MALRD1: variants seen among roughly 807,000 people sequenced by gnomAD.
MALRD1 encodes the protein MAM and LDL receptor class A domain containing 1.
MALRD1 carries 247 observed loss-of-function variants against 242.1 expected under a neutral mutation model. That is an observed-to-expected ratio of 1.02 (90% CI 0.92 to 1.13). MALRD1 has a LOEUF of 1.13. MALRD1 is among the 50% of genes most tolerant of loss of function. MALRD1 has a pLI of 0.00. For synonymous variants in MALRD1, 995 were observed against 866.6 expected (o/e 1.15, Z -2.60); for missense variants, 2,989 against 2,533.1 (o/e 1.18, Z -3.86).
At chr10:19,621,352 A>AAAC (rs1491462325) in intron 36 of MALRD1, among the ~76,000 whole-genome samples, 4 of 1,224 alleles carry the variant, frequency 3.3e-3, no homozygotes, top group Admixed American at 0.029. Context: ...AAAAATATGT[A>AAAC]AAAAAAAAAA....
intron 16 of MALRD1, 23 bp downstream of exon 16, chr10:19,204,436 A>G: frequency 7.0e-7 from 1 of 1,428,128 alleles, no homozygotes; most frequent in Non-Finnish European, 9.6e-7. Context: ...CAAATATTTA[A>G]ACAATATTAA....
At chr10:19,677,862 G>A (rs59826158) in intron 36 of MALRD1, among the ~76,000 whole-genome samples, 3,773 of 152,118 alleles carry the variant, frequency 0.025, 87 homozygotes, top group African/African-American at 0.056. Flanking sequence ...TATAAAAGGG[G>A]TCCAGTTTCA....
chr10:19,232,423 C>T (rs1449071394), intron 18 of MALRD1, among the ~76,000 whole-genome samples: 1 of 151,932 alleles, frequency 6.6e-6, no homozygotes, highest in East Asian at 1.9e-4. Context: ...AGTCATCCGC[C>T]CGCCTCAGCC....
In MALRD1 at chr10:19,423,895, C is replaced by A. The variant is rs559271240; in HGVS notation, c.4846-26412C>A. On this transcript the variant is annotated intron_variant, in intron 28 of 39. Coordinates refer to ENST00000454679, the MANE Select transcript of MALRD1 (RefSeq NM_001142308.3). ...ACAGTTTGACATAGGAAGAGGCTGACTCAAATGTCACAAGACTAAATGGAG... is the reference window on the plus strand; with the variant it reads ...ACAGTTTGACATAGGAAGAGGCTGAATCAAATGTCACAAGACTAAATGGAG... Among the ~76,000 whole-genome samples, 5 of 152,254 alleles carry A rather than the reference C, an allele frequency of 3.3e-5. No individual in the cohort carries two copies. In the South Asian group the frequency reaches 1.0e-3, roughly 32 times the overall value.
At chr10:19,468,082 C>T (rs933035684) in intron 29 of MALRD1, among the ~76,000 whole-genome samples, 5 of 144,704 alleles carry the variant, frequency 3.5e-5, no homozygotes, top group Non-Finnish European at 6.0e-5. Context: ...ATGTGAGCTA[C>T]CACACCTGGC....
At chr10:19,414,944 AT>A (rs1324503337) in intron 28 of MALRD1, among the ~76,000 whole-genome samples, 1 of 152,186 alleles carries the variant, frequency 6.6e-6, no homozygotes, top group Non-Finnish European at 1.5e-5. Context: ...AAATGATCTT[AT>A]TTTCCATAAA....
intron 10 of MALRD1, among the ~76,000 whole-genome samples, chr10:19,137,241 G>T (rs761626427): frequency 3.6e-4 from 54 of 151,506 alleles, no homozygotes; most frequent in Non-Finnish European, 6.9e-4. Context: ...CAGCTACCAT[G>T]ATTGTAGAAA....
intron 29 of MALRD1, among the ~76,000 whole-genome samples, chr10:19,453,707 C>G (rs1385495495): frequency 1.3e-5 from 2 of 151,840 alleles, no homozygotes; most frequent in Non-Finnish European, 2.9e-5. Context: ...GAAACTCCAA[C>G]TCTACTAAAA....
chr10:19,504,699 G>A (rs1265423915), intron 31 of MALRD1, among the ~76,000 whole-genome samples: 9 of 107,998 alleles, frequency 8.3e-5, no homozygotes, highest in Non-Finnish European at 1.4e-4. Context: ...TTTTTGAGAC[G>A]GAGTCTCGCT....
intron 21 of MALRD1, among the ~76,000 whole-genome samples, chr10:19,323,720 T>C (rs1246538786): frequency 6.6e-6 from 1 of 152,138 alleles, no homozygotes; most frequent in South Asian, 2.1e-4. Context: ...GTGATTCTCC[T>C]GCCTCAGCCT....
chr10:19,560,414 G>A (rs1035524325), intron 32 of MALRD1, among the ~76,000 whole-genome samples: 16 of 152,152 alleles, frequency 1.1e-4, no homozygotes, highest in Non-Finnish European at 1.6e-4. Context: ...GTTGCAGTGA[G>A]CCAAGTCTGC....
intron 36 of MALRD1, chr10:19,633,803 G>C (rs1218346066): frequency 6.6e-6 from 1 of 150,770 alleles, no homozygotes; most frequent in Non-Finnish European, 1.5e-5. Flanking sequence ...AGGATAGTAT[G>C]ATTATAAGCC....
intron 13 of MALRD1, among the ~76,000 whole-genome samples, chr10:19,167,466 C>T (rs1233899208): frequency 6.6e-6 from 1 of 152,170 alleles, no homozygotes; most frequent in East Asian, 1.9e-4. Flanking sequence ...TTAAGGTCAT[C>T]TCATCCTCAT....
At chr10:19,438,733 T>C (rs150981666) in intron 28 of MALRD1, among the ~76,000 whole-genome samples, 184 of 152,312 alleles carry the variant, frequency 1.2e-3, no homozygotes, top group African/African-American at 4.3e-3. Context: ...TGGTTTACTT[T>C]AGTGTTCATA....
In MALRD1 at chr10:19,615,923, G is replaced by A. The variant is rs927687799; in HGVS notation, c.6137G>A (p.Arg2046Gln). ...GTGGAGAAAAATGGTCCTATGTGTC[G>A]GTAAGAAGCATTGTTTAATTTTTTT... ...CVVEKNGPMC[R>Q]CRQGWKGNRC... The change falls in exon 36 of 40, where the codon CGA (arginine) becomes CAA (glutamine). Residue 2046 changes from arginine to glutamine, a missense_variant and splice_region_variant. Transcript: ENST00000454679. 19 of 1,519,656 alleles carry A rather than the reference G, an allele frequency of 1.3e-5. No homozygotes were observed. The highest frequency in any genetic ancestry group is 8.5e-5 in the South Asian group (7 of 82,184). 94.1% of individuals were successfully genotyped at this position (1,519,656 alleles called of 1,614,324 possible).
chr10:19,561,359 G>A (rs1431560314), intron 32 of MALRD1, among the ~76,000 whole-genome samples: 1 of 152,150 alleles, frequency 6.6e-6, no homozygotes, highest in Admixed American at 6.6e-5. Flanking sequence ...ATGCTGTTAA[G>A]TTCAACTACT....
At position 19,283,205 on chromosome 10, in the gene MALRD1, A is replaced by ATG. The variant is rs201091233; in HGVS notation, c.3419+25_3419+26insGT. ...CAGTAAGTGACCATGTATTTTGAAT[A>ATG]TCTCTCTTGGGAAATATTTATTAAG... On this transcript the variant is annotated intron_variant, in intron 21 of 39. Coordinates refer to ENST00000454679, the MANE Select transcript of MALRD1 (RefSeq NM_001142308.3). 1.2e-3 allele frequency: 1,760 copies of ATG among 1,484,124 alleles called. 10 individuals are homozygous for ATG. The African/African-American group carries it at 0.012, about 11-fold the overall frequency. The allele number at this position is 1,484,124 out of a possible 1,614,324, so 91.9% of individuals were successfully genotyped here. A position where few individuals can be genotyped will look rare whatever the true frequency, so the allele number is the denominator to read the frequency against.
chr10:19,257,642 T>G (rs1307483102), intron 18 of MALRD1, 42 bp from the exon 19 acceptor site: 4 of 1,377,642 alleles, frequency 2.9e-6, no homozygotes, highest in East Asian at 2.5e-5. Flanking sequence ...CTTTACCACA[T>G]AAACACATTT....
intron 5 of MALRD1, among the ~76,000 whole-genome samples, chr10:19,113,816 CACACACACACACACAG>C (rs1298450507): frequency 7.5e-5 from 11 of 147,394 alleles, no homozygotes; most frequent in South Asian, 2.2e-4. Flanking sequence ...CACACACACA[CACACACACACACACAG>C]ACACACACAC....
Sources: gnomAD v4.1 joint callset for allele counts (sites outside exome capture counted in the v4.1 genomes callset) on GRCh38, gnomAD v4.1.1 for gene constraint, MANE v1.5 for transcripts, NCBI Gene and HGNC (gene_info 2026-07-23, HGNC 2026-07-21) for gene names.